The following HELZ2 variants were observed in gnomAD, a reference collection of about 807,000 sequenced individuals.
HELZ2 encodes the protein 3'-5' exoribonuclease HELZ2.
HELZ2 carries 143 observed loss-of-function variants against 208.8 expected under a neutral mutation model. The observed-to-expected ratio is 0.68, with a 90% CI of 0.60 to 0.79. HELZ2 has a LOEUF of 0.79. Ranked by LOEUF, HELZ2 falls within the 30% of genes least tolerant of loss-of-function variation. The pLI is 0.00. For synonymous variants in HELZ2, 1,705 were observed against 1,693.7 expected (o/e 1.01, Z -0.16); for missense variants, 3,690 against 3,794.5 (o/e 0.97, Z 0.72).
At chr20:63,559,974 T>C (rs1482176140) in exon 18 of HELZ2, 2 of 1,612,004 alleles carry the variant, frequency 1.2e-6, no homozygotes, top group Admixed American at 3.3e-5. Flanking sequence ...CCACATTCAC[T>C]TGGTTGGGGT....
At chr20:63,569,250 C>A (rs758238702) in exon 4 of HELZ2, 2 of 1,570,792 alleles carry the variant, frequency 1.3e-6, no homozygotes. Context: ...CACGCTGCTG[C>A]GGTTGAACTC....
chr20:63,560,022 G>C (rs1047561762), exon 18 of HELZ2: 6 of 1,611,852 alleles, frequency 3.7e-6, no homozygotes, highest in African/African-American at 2.7e-5. Flanking sequence ...GCCAGCTCTT[G>C]GTGGGCCGCT....
chr20:63,559,390 A>G lies in HELZ2; in HGVS notation c.7826-20T>C, dbSNP rs888055992. 1.2e-5 allele frequency: 19 copies of G among 1,567,612 alleles called. No homozygotes were observed. The highest frequency in any genetic ancestry group is 2.3e-5 in the East Asian group (1 of 43,570). On this transcript the variant is annotated intron_variant, in intron 18 of 18. Transcript: ENST00000467148. Reference sequence around the variant, plus strand: ...GGTCTCCTGTGAGGGTGGGAGTCAGATGGGAGTCAGTCAGGGTCAGGTGGG... The same window carrying G: ...GGTCTCCTGTGAGGGTGGGAGTCAGGTGGGAGTCAGTCAGGGTCAGGTGGG...
exon 1 of HELZ2, chr20:63,572,257 C>T (rs373635043): frequency 1.8e-4 from 288 of 1,587,054 alleles, no homozygotes; most frequent in South Asian, 6.1e-4. Flanking sequence ...CCAAGCAGGC[C>T]GGGCAGTACA....
chr20:63,565,621 C>T, exon 8 of HELZ2: 3 of 1,610,686 alleles, frequency 1.9e-6, no homozygotes, highest in Non-Finnish European at 2.5e-6. Context: ...CAGCGTTGAG[C>T]TCCCCGTCCC....
exon 8 of HELZ2, chr20:63,563,022 G>C: frequency 6.2e-7 from 1 of 1,600,444 alleles, no homozygotes. Flanking sequence ...TCGCGGTACC[G>C]GTCCCTCGGG....
exon 5 of HELZ2, chr20:63,568,655 A>G (rs2082988356): frequency 2.5e-6 from 4 of 1,604,974 alleles, no homozygotes; most frequent in Admixed American, 1.7e-5. Flanking sequence ...CCAGAGGCGG[A>G]AGGTCATCGG....
chr20:63,570,316 C>T lies in HELZ2; in HGVS notation c.570+188G>A. 5.6e-6 allele frequency: 4 copies of T among 711,648 alleles called. No homozygotes were observed. In the South Asian group the frequency reaches 6.0e-5, roughly 11 times the overall value. The allele number at this position is 711,648 out of a possible 1,614,324, so 44.1% of individuals were successfully genotyped here. A position where few individuals can be genotyped will look rare whatever the true frequency, so the allele number is the denominator to read the frequency against. On this transcript the variant is annotated intron_variant, in intron 3 of 18. Coordinates refer to ENST00000467148, the Ensembl canonical transcript of HELZ2. ...AATAACCCTGCCAAGGTGGGACTGT[C>T]CTGGCCCCCTGTCTCTAGGTGAGGA...
At chr20:63,567,288 G>C in exon 6 of HELZ2, 1 of 1,610,018 alleles carries the variant, frequency 6.2e-7, no homozygotes, top group Non-Finnish European at 8.5e-7. Flanking sequence ...CCGCCAGCAC[G>C]AGGCGGGTGC....
exon 8 of HELZ2, chr20:63,564,713 A>G (rs1202175973): frequency 6.2e-7 from 1 of 1,608,484 alleles, no homozygotes; most frequent in Admixed American, 1.7e-5. Context: ...AGTGATGTGC[A>G]CAGCCACCTC....
At chr20:63,560,798 G>A in exon 15 of HELZ2, 1 of 1,611,380 alleles carries the variant, frequency 6.2e-7, no homozygotes, top group Middle Eastern at 1.7e-4. Flanking sequence ...GGCTCACCAT[G>A]CGGTACTGAG....
At chr20:63,558,955 T>C, downstream of HELZ2, 1 of 309,556 alleles carries the variant, frequency 3.2e-6, no homozygotes, top group East Asian at 5.4e-5. Context: ...GTTTCCTTCC[T>C]GGTTCTGAGA....
rs200439113 is a variant in HELZ2, at chr20:63,559,342, G to A, written c.7854C>T (p.Pro2618=). The stretch of plus-strand genomic sequence containing the variant: ...AGAAGTCCAGGAGGCTACGCCAGAG[G>A]GGGCAGCAGCGCAGAAGGAGGTGGT... The change falls in exon 19 of 19, where the codon CCC becomes CCT. Residue 2618 remains proline (P), a synonymous_variant. Coordinates refer to ENST00000467148, the Ensembl canonical transcript of HELZ2. 751 of 1,602,346 alleles carry A rather than the reference G, an allele frequency of 4.7e-4. 1 individual carries two copies. Among genetic ancestry groups the A allele is most frequent in the Non-Finnish European group, 5.8e-4 (679 of 1,173,908 alleles).
rs115914902 is a variant in HELZ2 at position 63,567,225 on chromosome 20, C to T, written c.2133G>A (p.Ala711=). 1.3e-3 allele frequency: 2,147 copies of T among 1,607,620 alleles called. 17 individuals carry two copies. In the African/African-American group the frequency reaches 0.024, roughly 18 times the overall value. The change falls in exon 6 of 19, where the codon GCG becomes GCA. Residue 711 remains alanine (A), a synonymous_variant. Coordinates refer to ENST00000467148, the Ensembl canonical transcript of HELZ2. ...GGCGGTGCAGCAGCGTGTGCTCGGCCGCCCGGGCCCTGGCCACACTGAACA... is the reference window on the plus strand; with the variant it reads ...GGCGGTGCAGCAGCGTGTGCTCGGCTGCCCGGGCCCTGGCCACACTGAACA...
rs1390141998 is a variant in HELZ2 at position 63,567,430 on chromosome 20, A to G, written c.1928T>C (p.Val643Ala). Residue 643 changes from valine (V) to alanine (A), a missense_variant, in exon 6 of 19, where the codon GTG (valine) becomes GCG (alanine). Physicochemically the swap from Val to Ala is moderately conservative, Grantham distance 64. Around this residue, in one of 3 missense-constraint regions of HELZ2, gnomAD observed 1,119 missense variants for 1,193.4 expected, o/e 0.94. Transcript: ENST00000467148. ...GGCCTGGGAGGTGGTGGTGACCACC[A>G]CGCGGTGCCGCGCCAGCTCTGCCCG... 5.1e-6 allele frequency: 8 copies of G among 1,565,816 alleles called. 1 individual carries two copies. Among genetic ancestry groups the G allele is most frequent in the African/African-American group, 1.4e-5 (1 of 73,694 alleles).
At chr20:63,559,007 A>G (rs911518266), downstream of HELZ2, 33 of 465,364 alleles carry the variant, frequency 7.1e-5, no homozygotes, top group Non-Finnish European at 1.1e-4. Context: ...GGTCCCAAGG[A>G]AGCCCCTCTT....
At chr20:63,566,427 C>T (rs1040453222) in exon 7 of HELZ2, 1 of 1,548,330 alleles carries the variant, frequency 6.5e-7, no homozygotes. Context: ...GGTCCCGCCT[C>T]CTCAGCTCCT....
rs532349293 is a variant in HELZ2 at position 63,562,366 on chromosome 20, C to G, written c.6319G>C (p.Val2107Leu). ...GGGGACGCCTCCTCTAGTCCACGCACGGCTTCCTCCTTGCGGCTGGGGGTG... is the reference window on the plus strand; with the variant it reads ...GGGGACGCCTCCTCTAGTCCACGCAGGGCTTCCTCCTTGCGGCTGGGGGTG... The change falls in exon 9 of 19, where the codon GTG becomes CTG. Residue 2107 changes from valine (V) to leucine (L), a missense_variant. By Grantham distance (32) the Val-to-Leu change is conservative. Around this residue, in one of 3 missense-constraint regions of HELZ2, gnomAD observed 2,564 missense variants for 2,580.5 expected, o/e 0.99. Transcript: ENST00000467148. The G allele has an allele frequency of 3.1e-6, 5 of 1,590,052 alleles. No individual in the cohort carries two copies. Among genetic ancestry groups the G allele is most frequent in the Middle Eastern group, 3.3e-4 (2 of 6,000 alleles).
chr20:63,565,696 T>C, exon 8 of HELZ2: 1 of 1,608,432 alleles, frequency 6.2e-7, no homozygotes, highest in Non-Finnish European at 8.5e-7. Flanking sequence ...CAGCAGCCGC[T>C]CCTGCCGCAC....
Sources: gnomAD v4.1 joint callset for allele counts on GRCh38, gnomAD v4.1.1 for gene constraint, gnomAD v4.1.1 regional missense constraint, MANE v1.5 for transcripts, NCBI Gene and HGNC (gene_info 2026-07-23, HGNC 2026-07-21) for gene names.